Variants in SPTBN5 observed in about 807,000 individuals in gnomAD.
SPTBN5 encodes spectrin beta chain, non-erythrocytic 5.
A neutral mutation model predicts 477.6 loss-of-function variants in SPTBN5; 513 were observed. That is an observed-to-expected ratio of 1.07 (90% confidence interval 1.00 to 1.16). The LOEUF (loss-of-function observed/expected upper bound fraction) is 1.16, where lower values mean the gene tolerates loss of function less well. SPTBN5 is among the 50% of genes most tolerant of loss of function. The pLI, the probability that SPTBN5 is intolerant of heterozygous loss-of-function variation, is 0.00. For synonymous variants in SPTBN5, 2,169 were observed against 2,011.7 expected (o/e 1.08, Z -2.09); for missense variants, 5,062 against 4,731.8 (o/e 1.07, Z -2.05).
At chr15:41,852,485 G>T (rs1348595278) in intron 61 of SPTBN5, 149 bp downstream of exon 61, 3 of 1,277,814 alleles carry the variant, frequency 2.3e-6, no homozygotes, top group Non-Finnish European at 3.3e-6. Flanking sequence ...GTCCACAATG[G>T]TGCCTCTCCC....
intron 65 of SPTBN5, 31 bp from the exon 66 acceptor site, chr15:41,850,970 C>T (rs1408063682): frequency 1.3e-6 from 2 of 1,592,508 alleles, no homozygotes; most frequent in Admixed American, 1.8e-5. Flanking sequence ...TCAAACTCCA[C>T]TGTCCCTTTG....
intron 46 of SPTBN5, among the ~76,000 whole-genome samples, chr15:41,861,114 G>C (rs734916): frequency 0.33 from 49,644 of 152,204 alleles, 8,576 homozygotes; most frequent in Middle Eastern, 0.38. Flanking sequence ...GCAGTGGCGG[G>C]AAAAGCCAAC....
chr15:41,856,425 C>T lies in SPTBN5; in HGVS notation c.8982G>A (p.Leu2994=). Residue 2994 remains leucine (L), a synonymous_variant, in exon 53 of 68, where the codon CTG becomes CTA. Transcript: ENST00000320955. Reference sequence around the variant, plus strand: ...GCTGGGCCTCCTGAGCCTGCTGCAGCAGAAGCCGCCTCCGCGCCGCCTCTG... The same window carrying T: ...GCTGGGCCTCCTGAGCCTGCTGCAGTAGAAGCCGCCTCCGCGCCGCCTCTG... ...LRAEAARRRL[L]LQQAQEAQQF... 1.3e-6 allele frequency: 2 copies of T among 1,591,822 alleles called. No individual in the cohort carries two copies. Among genetic ancestry groups the T allele is most frequent in the Non-Finnish European group, 8.6e-7 (1 of 1,168,124 alleles).
chr15:41,873,274 A>C lies in SPTBN5; in HGVS notation c.5007+218T>G, dbSNP rs926120634. On this transcript the variant is annotated intron_variant, in intron 26 of 67. Coordinates refer to ENST00000320955, the MANE Select transcript of SPTBN5 (RefSeq NM_016642.4). ...GGCCACAGGGAGAGGCAAGACTCGT[A>C]AGAAGATGAAGGGAGAAAGCGTGTA... 2.6e-5 allele frequency among the ~76,000 whole-genome samples: 4 copies of C among 152,230 alleles called. No homozygotes were observed. The East Asian group carries it at 7.7e-4, about 29-fold the overall frequency.
chr15:41,848,165 G>GTT lies in SPTBN5; in HGVS notation c.*449_*450dup, dbSNP rs2065618465. 1.9e-6 allele frequency: 1 copy of GTT among 537,530 alleles called. No homozygotes were observed. Among genetic ancestry groups the GTT allele is most frequent in the African/African-American group, 1.9e-5 (1 of 52,634 alleles). 33.3% of individuals were successfully genotyped at this position (537,530 alleles called of 1,614,324 possible). On this transcript the variant is annotated 3_prime_UTR_variant, in exon 68 of 68. Coordinates refer to ENST00000320955, the MANE Select transcript of SPTBN5 (RefSeq NM_016642.4). Reference sequence around the variant, plus strand: ...CAAATGTGAGGCGCTGAGACCATCTGTTATTACTGCTGAGAAGGGCCATGT... The same window carrying GTT: ...CAAATGTGAGGCGCTGAGACCATCTGTTTTATTACTGCTGAGAAGGGCCATGT...
chr15:41,870,855 A>G (rs2066511446), intron 29 of SPTBN5, among the ~76,000 whole-genome samples: 1 of 152,212 alleles, frequency 6.6e-6, no homozygotes, highest in African/African-American at 2.4e-5. Context: ...TGCGTCACCC[A>G]GGTTATGATC....
intron 17 of SPTBN5, 61 bp from the exon 18 acceptor site, chr15:41,877,417 C>G: frequency 6.4e-7 from 1 of 1,556,970 alleles, no homozygotes. Flanking sequence ...GCCTCCTTCT[C>G]CTCTCACCTC....
intron 7 of SPTBN5, among the ~76,000 whole-genome samples, 164 bp from the exon 8 acceptor site, chr15:41,883,650 G>A (rs1025198447): frequency 6.6e-6 from 1 of 152,194 alleles, no homozygotes; most frequent in Non-Finnish European, 1.5e-5. Flanking sequence ...CGGTGGTAGA[G>A]GCAGTGTGTC....
At chr15:41,882,517 G>A (rs1454174367) in intron 10 of SPTBN5, 48 bp from the exon 11 acceptor site, 2 of 1,573,702 alleles carry the variant, frequency 1.3e-6, no homozygotes, top group South Asian at 1.2e-5. Flanking sequence ...AACAGGGGAG[G>A]GGGCCGGGGG....
Position 41,853,652 on chromosome 15 carries a change from GGGCCTTCGCCTGCAGGGTGGCCCA to G in SPTBN5, c.9886_9909del (p.Trp3296_Ala3303del), listed in dbSNP as rs1417316955. 1 of 1,598,782 alleles carries G rather than the reference GGGCCTTCGCCTGCAGGGTGGCCCA, an allele frequency of 6.3e-7. No homozygotes were observed. The highest frequency in any genetic ancestry group is 8.5e-7 in the Non-Finnish European group (1 of 1,174,428). ...TGCGCCAGCCACTGGCCTCGCTCCT[GGGCCTTCGCCTGCAGGGTGGCCCA>G]GGCCTCCTGCACCTTGGCCAGGCCC... On this transcript the variant is annotated inframe_deletion, in exon 58 of 68. Coordinates refer to ENST00000320955, the MANE Select transcript of SPTBN5 (RefSeq NM_016642.4).
intron 2 of SPTBN5, 79 bp downstream of exon 2, chr15:41,893,203 C>G (rs1567237633): frequency 6.3e-7 from 1 of 1,596,112 alleles, no homozygotes; most frequent in South Asian, 1.1e-5. Context: ...GATGACCCCA[C>G]AGCTCACCCC....
Position 41,854,073 on chromosome 15 carries a change from G to A in SPTBN5, c.9751C>T (p.Gln3251Ter), listed in dbSNP as rs970451986. The change falls in exon 57 of 68, where the codon CAG (glutamine) becomes TAG (stop). Residue 3251 changes from glutamine (Q) to a stop codon, truncating the protein, a stop_gained. Transcript: ENST00000320955. LOFTEE classifies it high-confidence loss of function. ...ACCTCCAGGCGCCTGTGCTGTTGCT[G>A]CAGGGTCCGCACAGATGACAGGCTG... The part of the protein sequence containing the change: ...GHSLSSVRTL[Q>*]QQHRRLEREL... 6.4e-7 allele frequency: 1 copy of A among 1,574,384 alleles called. No homozygotes were observed.
intron 25 of SPTBN5, 79 bp downstream of exon 25, chr15:41,873,762 GCCTC>G: frequency 6.4e-7 from 1 of 1,558,788 alleles, no homozygotes; most frequent in Non-Finnish European, 8.7e-7. Context: ...CCACTGATCC[GCCTC>G]CCTGAGAGTC....
In SPTBN5 at chr15:41,857,271, T is replaced by C; in HGVS notation, c.8588A>G (p.Asp2863Gly). 1 of 1,581,110 alleles carries C rather than the reference T, an allele frequency of 6.3e-7. No homozygotes were observed. The highest frequency in any genetic ancestry group is 8.6e-7 in the Non-Finnish European group (1 of 1,163,494). ...FVREGHCLAQ[D>G]VEEQARRLLQ... ...CAGCCGCCGGGCCTGCTCTTCCACA[T>C]CTTGGGCAAGGCAGTGGCCTTCCCT... Residue 2863 changes from aspartate (D) to glycine (G), a missense_variant, in exon 51 of 68, where the codon GAT (aspartate) becomes GGT (glycine). Coordinates refer to ENST00000320955, the MANE Select transcript of SPTBN5 (RefSeq NM_016642.4).
rs1595441253 is a variant in SPTBN5 at position 41,852,995 on chromosome 15, T to C, written c.10176A>G (p.Thr3392=). 6.5e-7 allele frequency: 1 copy of C among 1,532,888 alleles called. No homozygotes were observed. The highest frequency in any genetic ancestry group is 1.9e-4 in the Middle Eastern group (1 of 5,152). 95.0% of individuals were successfully genotyped at this position (1,532,888 alleles called of 1,614,324 possible). ...GCCCTTCCAGCTCCTGCAGGCACTC[T>C]GTCACCTGGTGGGGAGGGGCTGCTA... ...DNSHFMSAEV[T]ECLQELEGRL... The change falls in exon 60 of 68, where the codon ACA becomes ACG. Residue 3392 remains threonine, a synonymous_variant. Coordinates refer to ENST00000320955, the MANE Select transcript of SPTBN5 (RefSeq NM_016642.4).
chr15:41,870,369 T>C lies in SPTBN5; in HGVS notation c.5563-16A>G. On this transcript the variant is annotated splice_polypyrimidine_tract_variant and intron_variant, in intron 30 of 67. Coordinates refer to ENST00000320955, the MANE Select transcript of SPTBN5 (RefSeq NM_016642.4). ...TGGCTTTCTCCTGAGGAAGGGAGAA[T>C]GCCGAGGAGATGAGGGATGGAGCGT... 1 of 1,588,946 alleles carries C rather than the reference T, an allele frequency of 6.3e-7. No individual in the cohort carries two copies. The highest frequency in any genetic ancestry group is 1.1e-5 in the South Asian group (1 of 87,734).
rs756597258 is a variant in SPTBN5 at position 41,874,989 on chromosome 15, C to T, written c.4355G>A (p.Arg1452His). 9.9e-6 allele frequency: 16 copies of T among 1,613,544 alleles called. No homozygotes were observed. Among genetic ancestry groups the T allele is most frequent in the East Asian group, 4.5e-5 (2 of 44,884 alleles). Residue 1452 changes from arginine (R) to histidine (H), a missense_variant, in exon 23 of 68, where the codon CGC (arginine) becomes CAC (histidine). Transcript: ENST00000320955. Reference protein sequence around the residue: ...LQSSETGQDLRSSQRLQKRHQ... With the variant: ...LQSSETGQDLHSSQRLQKRHQ... ...CCGTTTCTGCAGCCTCTGGCTGGAG[C>T]GCAGGTCCTGCCCTGTTTCCGAGCT...
chr15:41,866,060 G>T lies in SPTBN5; in HGVS notation c.6800C>A (p.Ala2267Glu). ...FLEFLQRVDL[A>E]EAWIQEKEVK... ...CACCTTCTCCTGGATCCAGGCCTCT[G>T]CAAGGTCCACTCTCTGCAGGAACTC... The change falls in exon 38 of 68, where the codon GCA (alanine) becomes GAA (glutamate). Residue 2267 changes from alanine (A) to glutamate (E), a missense_variant. Ala to Glu is a moderately radical substitution (Grantham distance 107). Coordinates refer to ENST00000320955, the MANE Select transcript of SPTBN5 (RefSeq NM_016642.4). 1.3e-6 allele frequency: 2 copies of T among 1,555,570 alleles called. No individual in the cohort carries two copies. The highest frequency in any genetic ancestry group is 1.7e-6 in the Non-Finnish European group (2 of 1,150,004).
rs951944867 is a variant in SPTBN5 at position 41,887,072 on chromosome 15, T to A, written c.888+141A>T. Reference sequence around the variant, plus strand: ...GCCTTCTGTTATCCAGGCATCATCATCTCCATGTGATAGAGGGTGCACAGT... The same window carrying A: ...GCCTTCTGTTATCCAGGCATCATCAACTCCATGTGATAGAGGGTGCACAGT... On this transcript the variant is annotated intron_variant, in intron 6 of 67. Coordinates refer to ENST00000320955, the MANE Select transcript of SPTBN5 (RefSeq NM_016642.4). The A allele has an allele frequency of 5.4e-6, 4 of 740,612 alleles. No homozygotes were observed. In the African/African-American group the frequency reaches 7.0e-5, roughly 13 times the overall value. The allele number at this position is 740,612 out of a possible 1,614,324, so 45.9% of individuals were successfully genotyped here.
Sources: gnomAD v4.1 joint callset for allele counts (sites outside exome capture counted in the v4.1 genomes callset) on GRCh38, gnomAD v4.1.1 for gene constraint, MANE v1.5 for transcripts, NCBI Gene and HGNC (gene_info 2026-07-23, HGNC 2026-07-21) for gene names.